Variants in FAM174B observed in about 807,000 individuals in gnomAD.
FAM174B encodes family with sequence similarity 174 member B.
Under a neutral mutation model 10.9 loss-of-function variants are expected in FAM174B, and 12 were observed. The observed-to-expected ratio is 1.10, with a 90% CI of 0.71 to 1.79. The LOEUF (loss-of-function observed/expected upper bound fraction) is 1.79, where lower values mean the gene tolerates loss of function less well. Among genes scored for constraint, FAM174B ranks in the 40% most tolerant of loss-of-function variants. The probability of loss-of-function intolerance (pLI) is 0.00; values close to 1 mark genes in which losing one functional copy is unlikely to be tolerated. For missense variants in FAM174B, 266 were observed against 233.3 expected (o/e 1.14, Z -0.91); for synonymous variants, 132 against 115.8 (o/e 1.14, Z -0.90).
chr15:92,648,873 GTT>G (rs2050946497), intron 1 of FAM174B, among the ~76,000 whole-genome samples: 1 of 152,216 alleles, frequency 6.6e-6, no homozygotes, highest in African/African-American at 2.4e-5. Flanking sequence ...ATTAAGTATA[GTT>G]TATTTTTTAA....
chr15:92,655,235 T>C, intron 1 of FAM174B, 81 bp downstream of exon 1: 1 of 1,436,888 alleles, frequency 7.0e-7, no homozygotes, highest in African/African-American at 1.5e-5. Flanking sequence ...TGCGTGCAGG[T>C]GGGGCGGGCG....
In FAM174B at chr15:92,618,085, CAAA is replaced by C; in HGVS notation, c.*1368_*1370del. The C allele has an allele frequency of 6.0e-6, 1 of 167,518 alleles. No individual in the cohort carries two copies. Among genetic ancestry groups the C allele is most frequent in the Non-Finnish European group, 1.2e-5 (1 of 84,098 alleles). The allele number at this position is 167,518 out of a possible 1,614,324, so 10.4% of individuals were successfully genotyped here. A position where few individuals can be genotyped will look rare whatever the true frequency, so the allele number is the denominator to read the frequency against. Reference sequence around the variant, plus strand: ...GTCAGGAAAGGCTGGAGTTTTCATCCAAAAAAAAAAAGAGCAGGACAATAAACA... The same window carrying C: ...GTCAGGAAAGGCTGGAGTTTTCATCCAAAAAAAAGAGCAGGACAATAAACA... On this transcript the variant is annotated 3_prime_UTR_variant, in exon 3 of 3. Transcript: ENST00000327355.
chr15:92,620,814 CAAAAAAAA>C (rs34607670), intron 2 of FAM174B, among the ~76,000 whole-genome samples: 1 of 71,388 alleles, frequency 1.4e-5, no homozygotes, highest in African/African-American at 5.9e-5. Context: ...GACTCTGTCT[CAAAAAAAA>C]AAAAAAAAAA....
At position 92,655,687 on chromosome 15, in the gene FAM174B, C is replaced by T. The variant is rs760913085; in HGVS notation, c.-28G>A. ...TGCGGTGGGTCGGCACAGGATCGGG[C>T]AGGGCGCGCGCGGCTGAGCTCCAGG... On this transcript the variant is annotated 5_prime_UTR_variant, in exon 1 of 3. Transcript: ENST00000327355. 4.8e-6 allele frequency: 6 copies of T among 1,238,420 alleles called. No homozygotes were observed. The highest frequency in any genetic ancestry group is 6.0e-6 in the Non-Finnish European group (6 of 992,000). 76.7% of individuals were successfully genotyped at this position (1,238,420 alleles called of 1,614,324 possible).
Position 92,618,220 on chromosome 15 carries a change from G to C in FAM174B, c.*1236C>G, listed in dbSNP as rs1459540756. The C allele has an allele frequency of 6.5e-6, 1 of 152,812 alleles. No homozygotes were observed. The highest frequency in any genetic ancestry group is 1.5e-5 in the Non-Finnish European group (1 of 68,214). 9.5% of individuals were successfully genotyped at this position (152,812 alleles called of 1,614,324 possible). On this transcript the variant is annotated 3_prime_UTR_variant, in exon 3 of 3. Transcript: ENST00000327355. ...AGAGCAAAATCCCAGGGTCCCGAAG[G>C]CACTGCTAATAGACTAATAGAAGCA...
At chr15:92,649,902 A>G (rs1335761952) in intron 1 of FAM174B, among the ~76,000 whole-genome samples, 1 of 152,256 alleles carries the variant, frequency 6.6e-6, no homozygotes, top group Non-Finnish European at 1.5e-5. Context: ...AAGAAGATGA[A>G]CATTTGTCAC....
At chr15:92,626,139 A>ACGGAGTCTCGCTCTTTCCC (rs373252541) in intron 2 of FAM174B, among the ~76,000 whole-genome samples, 1 of 137,398 alleles carries the variant, frequency 7.3e-6, no homozygotes, top group African/African-American at 2.7e-5. Flanking sequence ...TTTTTTTGAG[A>ACGGAGTCTCGCTCTTTCCC]CCAGGCCGGA....
At chr15:92,648,697 G>A (rs891200424) in intron 1 of FAM174B, among the ~76,000 whole-genome samples, 1 of 151,982 alleles carries the variant, frequency 6.6e-6, no homozygotes, top group Admixed American at 6.6e-5. Flanking sequence ...GCCTACCTGA[G>A]AGGGAGGGGT....
chr15:92,628,953 T>G (rs2050772566), intron 2 of FAM174B, among the ~76,000 whole-genome samples: 1 of 152,226 alleles, frequency 6.6e-6, no homozygotes, highest in African/African-American at 2.4e-5. Flanking sequence ...CATTCCATAT[T>G]CATGGATTGG....
chr15:92,647,718 T>C (rs2050937880), intron 1 of FAM174B, among the ~76,000 whole-genome samples: 1 of 152,220 alleles, frequency 6.6e-6, no homozygotes, highest in African/African-American at 2.4e-5. Flanking sequence ...AATGAAATTT[T>C]ACCCAAAAAT....
At chr15:92,630,099 C>T (rs1329599039) in intron 2 of FAM174B, 115 bp downstream of exon 2, 5 of 1,056,620 alleles carry the variant, frequency 4.7e-6, no homozygotes, top group Non-Finnish European at 7.1e-6. Context: ...GCAGAACACC[C>T]CAGGACCCAA....
intron 1 of FAM174B, among the ~76,000 whole-genome samples, chr15:92,643,454 C>A (rs1385811075): frequency 6.6e-6 from 1 of 151,682 alleles, no homozygotes; most frequent in Non-Finnish European, 1.5e-5. Context: ...AAATTGACAA[C>A]ACAAAGTGAA....
chr15:92,617,956 AGGCGAAACTGCCTTCCTGGCAG>A lies in FAM174B; in HGVS notation c.*1478_*1499del. The A allele has an allele frequency of 2.7e-6, 1 of 370,558 alleles. No homozygotes were observed. The highest frequency in any genetic ancestry group is 3.9e-5 in the East Asian group (1 of 25,720). The allele number at this position is 370,558 out of a possible 1,614,324, so 23.0% of individuals were successfully genotyped here. On this transcript the variant is annotated 3_prime_UTR_variant, in exon 3 of 3. Coordinates refer to ENST00000327355, the MANE Select transcript of FAM174B (RefSeq NM_207446.3). ...CCACGGGCTCTGCTCTTTCCTGCAG[AGGCGAAACTGCCTTCCTGGCAG>A]GCGGAGGCTGCCGAGCTCCCATGCC... is the stretch of plus-strand genomic sequence containing the variant.
chr15:92,624,793 G>A (rs2050742540), intron 2 of FAM174B, among the ~76,000 whole-genome samples: 1 of 152,358 alleles, frequency 6.6e-6, no homozygotes. Context: ...GGGAGGCAGG[G>A]CTGGCAGGAG....
chr15:92,654,373 C>G (rs1290388594), intron 1 of FAM174B, among the ~76,000 whole-genome samples: 1 of 152,218 alleles, frequency 6.6e-6, no homozygotes, highest in African/African-American at 2.4e-5. Flanking sequence ...ACCCAGACTT[C>G]CAGGCGGGCC....
chr15:92,625,866 C>T (rs1002278908), intron 2 of FAM174B, among the ~76,000 whole-genome samples: 1 of 152,196 alleles, frequency 6.6e-6, no homozygotes, highest in Non-Finnish European at 1.5e-5. Context: ...CTGCAGTGGG[C>T]TTGTGTCTAA....
Position 92,655,632 on chromosome 15 carries a change from GC to G in FAM174B, c.27del (p.Leu10SerfsTer69). On this transcript the variant is annotated frameshift_variant, in exon 1 of 3. Transcript: ENST00000327355. LOFTEE classifies it high-confidence loss of function. MRAVPLPA[P>X]LLPLLLLALL... ...AGCGCGAGCAGCAGCAGCGGCAGGA[GC>G]GGGGCGGGCAGCGGCACGGCGCGCA... The G allele has an allele frequency of 1.6e-6, 2 of 1,259,140 alleles. No homozygotes were observed. Among genetic ancestry groups the G allele is most frequent in the South Asian group, 3.3e-5 (1 of 29,974 alleles). The allele number at this position is 1,259,140 out of a possible 1,614,324, so 78.0% of individuals were successfully genotyped here.
At position 92,655,584 on chromosome 15, in the gene FAM174B, C is replaced by A. The variant is rs1469875211; in HGVS notation, c.76G>T (p.Ala26Ser). 1.5e-6 allele frequency: 2 copies of A among 1,312,052 alleles called. No homozygotes were observed. Among genetic ancestry groups the A allele is most frequent in the Non-Finnish European group, 9.7e-7 (1 of 1,032,850 alleles). 81.3% of individuals were successfully genotyped at this position (1,312,052 alleles called of 1,614,324 possible). The change falls in exon 1 of 3, where the codon GCC becomes TCC. Residue 26 changes from alanine to serine, a missense_variant. Physicochemically the swap from Ala to Ser is moderately conservative, Grantham distance 99. Transcript: ENST00000327355. ...LALLAAPAARASRAESVSAPW... is the reference protein window; with the variant it reads ...LALLAAPAARSSRAESVSAPW... ...GCGGAGACGGACTCGGCTCTGCTGG[C>A]GCGGGCGGCGGGAGCGGCCAGGAGC...
chr15:92,637,504 A>T (rs764757081), intron 1 of FAM174B, among the ~76,000 whole-genome samples: 1 of 152,240 alleles, frequency 6.6e-6, no homozygotes, highest in Non-Finnish European at 1.5e-5. Context: ...AAGGCACTGC[A>T]CGAAGGGAAA....
Sources: allele counts gnomAD v4.1 joint callset (sites outside exome capture counted in the v4.1 genomes callset), GRCh38; gene constraint gnomAD v4.1.1; transcripts MANE v1.5; gene names NCBI Gene and HGNC (gene_info 2026-07-23, HGNC 2026-07-21).